Variants in TMEM163 observed in about 807,000 individuals in gnomAD.
TMEM163 encodes the protein transmembrane protein 163.
TMEM163 carries 17 observed loss-of-function variants against 29.3 expected under a neutral mutation model. That is an observed-to-expected ratio of 0.58 (90% CI 0.40 to 0.87). TMEM163 has a LOEUF of 0.87. Among genes scored for constraint, TMEM163 ranks in the 40% least tolerant of loss-of-function variants. The probability of loss-of-function intolerance (pLI) is 0.00; values close to 1 mark genes in which losing one functional copy is unlikely to be tolerated. For synonymous variants in TMEM163, 157 were observed against 160.6 expected, an observed-to-expected ratio of 0.98 and a Z score of 0.17; for missense variants, 303 against 381.5, an observed-to-expected ratio of 0.79 and a Z score of 1.71.
intron 4 of TMEM163, among the ~76,000 whole-genome samples, chr2:134,547,077 A>G (rs1033517325): frequency 6.6e-6 from 1 of 152,176 alleles, no homozygotes; most frequent in Admixed American, 6.5e-5. Context: ...TAGCATTTCA[A>G]TTTTGCAGAA....
At chr2:134,624,646 C>T (rs183490763) in intron 2 of TMEM163, among the ~76,000 whole-genome samples, 97 of 152,252 alleles carry the variant, frequency 6.4e-4, no homozygotes, top group African/African-American at 1.5e-3. Flanking sequence ...GAGTGGCTCA[C>T]GCCTGTAATC....
intron 2 of TMEM163, among the ~76,000 whole-genome samples, chr2:134,629,071 C>A: frequency 6.6e-6 from 1 of 152,274 alleles, no homozygotes; most frequent in South Asian, 2.1e-4. Context: ...ATTCATGATG[C>A]GCCAGGTCTT....
intron 2 of TMEM163, among the ~76,000 whole-genome samples, chr2:134,598,051 CA>C (rs1363250781): frequency 6.6e-6 from 1 of 152,052 alleles, no homozygotes; most frequent in Non-Finnish European, 1.5e-5. Context: ...TTGATATTTT[CA>C]AAAAACCAGC....
intron 2 of TMEM163, among the ~76,000 whole-genome samples, chr2:134,572,736 T>TG (rs1303114031): frequency 6.6e-6 from 1 of 152,208 alleles, no homozygotes; most frequent in Non-Finnish European, 1.5e-5. Context: ...TTCGGAAGAC[T>TG]GTGTGCTTAT....
intron 4 of TMEM163, among the ~76,000 whole-genome samples, chr2:134,542,781 G>T (rs1680703637): frequency 6.6e-6 from 1 of 152,084 alleles, no homozygotes; most frequent in Non-Finnish European, 1.5e-5. Context: ...CCGAAATCAA[G>T]GTGTCTGCAG....
intron 4 of TMEM163, among the ~76,000 whole-genome samples, chr2:134,531,742 A>G (rs1680421026): frequency 1.3e-5 from 2 of 152,210 alleles, no homozygotes; most frequent in African/African-American, 4.8e-5. Context: ...GTGTTCAGGT[A>G]TCTGGAGCTT....
At chr2:134,582,051 G>A (rs1446740440) in intron 2 of TMEM163, among the ~76,000 whole-genome samples, 1 of 152,214 alleles carries the variant, frequency 6.6e-6, no homozygotes, top group Non-Finnish European at 1.5e-5. Flanking sequence ...AGAGAACCAT[G>A]AGAGAGCACA....
chr2:134,475,709 G>A (rs1686897843), intron 5 of TMEM163, among the ~76,000 whole-genome samples: 1 of 152,138 alleles, frequency 6.6e-6, no homozygotes, highest in Non-Finnish European at 1.5e-5. Flanking sequence ...TGTAAGAACA[G>A]CAAATAAGCA....
rs192087748 is a variant in TMEM163 at position 134,515,063 on chromosome 2, G to A, written c.459-12066C>T. ...CAGATAGAAGATTCTTGAAAGGGAC[G>A]CATCTTATGGCAGTGGCAGCAAAAG... is the stretch of plus-strand genomic sequence containing the variant. On this transcript the variant is annotated intron_variant, in intron 4 of 7. Transcript: ENST00000281924. 3.3e-5 allele frequency among the ~76,000 whole-genome samples: 5 copies of A among 152,300 alleles called. No individual in the cohort carries two copies. In the East Asian group the frequency reaches 5.8e-4, roughly 18 times the overall value.
chr2:134,619,093 T>C (rs568812905), intron 2 of TMEM163, among the ~76,000 whole-genome samples: 2 of 152,296 alleles, frequency 1.3e-5, no homozygotes, highest in Admixed American at 6.5e-5. Context: ...CAGCCCTACA[T>C]ATGCAAAAAA....
chr2:134,611,331 T>C (rs984672407), intron 2 of TMEM163, among the ~76,000 whole-genome samples: 4 of 152,196 alleles, frequency 2.6e-5, no homozygotes, highest in African/African-American at 9.6e-5. Context: ...CAGGGAAATA[T>C]AGTCCCTACC....
chr2:134,542,384 G>A (rs1345672420), intron 4 of TMEM163, among the ~76,000 whole-genome samples: 1 of 152,172 alleles, frequency 6.6e-6, no homozygotes, highest in Non-Finnish European at 1.5e-5. Flanking sequence ...TCTGATGGAG[G>A]ACTCTTCTCA....
At chr2:134,501,375 C>T (rs192103295) in intron 5 of TMEM163, among the ~76,000 whole-genome samples, 10 of 152,184 alleles carry the variant, frequency 6.6e-5, no homozygotes, top group African/African-American at 1.9e-4. Flanking sequence ...GTTCAGCTAT[C>T]GGGAGAATAA....
intron 2 of TMEM163, among the ~76,000 whole-genome samples, chr2:134,649,059 A>G (rs1356719807): frequency 6.6e-6 from 1 of 152,248 alleles, no homozygotes; most frequent in East Asian, 1.9e-4. Flanking sequence ...CAGACCTGCG[A>G]CATATCAAAA....
intron 2 of TMEM163, among the ~76,000 whole-genome samples, chr2:134,636,440 G>A (rs749198178): frequency 3.0e-4 from 45 of 152,086 alleles, no homozygotes; most frequent in Admixed American, 7.9e-4. Flanking sequence ...AATTATCATC[G>A]AAACCGCCAT....
At chr2:134,594,477 T>C (rs1682015999) in intron 2 of TMEM163, among the ~76,000 whole-genome samples, 1 of 152,060 alleles carries the variant, frequency 6.6e-6, no homozygotes. Flanking sequence ...TCATTACCAC[T>C]AAAAATAAAA....
intron 4 of TMEM163, among the ~76,000 whole-genome samples, chr2:134,538,304 C>T (rs983252916): frequency 2.0e-5 from 3 of 152,102 alleles, no homozygotes; most frequent in Non-Finnish European, 2.9e-5. Flanking sequence ...ATGAACCAGG[C>T]CCTCTCCAGA....
chr2:134,700,644 A>C (rs977741273), intron 2 of TMEM163, among the ~76,000 whole-genome samples: 1 of 152,180 alleles, frequency 6.6e-6, no homozygotes, highest in Non-Finnish European at 1.5e-5. Flanking sequence ...CATGCCTGTA[A>C]TTCCAGCACT....
At chr2:134,671,002 G>A (rs1291704176) in intron 2 of TMEM163, among the ~76,000 whole-genome samples, 3 of 152,164 alleles carry the variant, frequency 2.0e-5, no homozygotes, top group Non-Finnish European at 2.9e-5. Flanking sequence ...CTGCCCTGTG[G>A]AAGGCTTGCC....
Sources: gnomAD v4.1 joint callset for allele counts (sites outside exome capture counted in the v4.1 genomes callset) on GRCh38, gnomAD v4.1.1 for gene constraint, MANE v1.5 for transcripts, NCBI Gene and HGNC (gene_info 2026-07-23, HGNC 2026-07-21) for gene names.